Variants in RUNX2 observed in about 807,000 individuals in gnomAD.
RUNX2 encodes the protein runt-related transcription factor 2.
In RUNX2, 10 loss-of-function variants were observed where a neutral mutation model predicts 51.7. The observed-to-expected ratio is 0.19, with a 90% confidence interval of 0.12 to 0.33. The LOEUF (loss-of-function observed/expected upper bound fraction) is 0.33. Ranked by LOEUF, RUNX2 falls within the 10% of genes least tolerant of loss-of-function variation. The pLI is 1.00. For missense variants in RUNX2, 562 were observed against 691.3 expected (o/e 0.81, Z 2.10); for synonymous variants, 276 against 273.6 (o/e 1.01, Z -0.09).
intron 5 of RUNX2, among the ~76,000 whole-genome samples, chr6:45,488,018 A>G (rs1023993630): frequency 6.6e-6 from 1 of 152,132 alleles, no homozygotes; most frequent in African/African-American, 2.4e-5. Flanking sequence ...AGTGGGCCCT[A>G]CAAGGAATCA....
Position 45,422,956 on chromosome 6 carries a change from A to T in RUNX2, c.422A>T (p.Lys141Met). The change falls in exon 3 of 9, where the codon AAG (lysine) becomes ATG (methionine). Residue 141 changes from lysine to methionine, a missense_variant and splice_region_variant. By Grantham distance (95) the Lys-to-Met change is moderately conservative. This residue lies in a region of RUNX2 where 67 missense variants were observed against 106.5 expected (regional missense o/e 0.63). Transcript: ENST00000647337. ...AACAAGACCCTGCCCGTGGCCTTCA[A>T]GGTAAGAGGCTACACCGCCCCCCGC... ...RCNKTLPVAF[K>M]VVALGEVPDG... 6.2e-7 allele frequency: 1 copy of T among 1,609,916 alleles called. No homozygotes were observed. The highest frequency in any genetic ancestry group is 1.1e-5 in the South Asian group (1 of 90,984).
At chr6:45,354,518 C>T (rs145041498) in intron 2 of RUNX2, among the ~76,000 whole-genome samples, 9 of 151,414 alleles carry the variant, frequency 5.9e-5, no homozygotes, top group African/African-American at 7.3e-5. Context: ...CTTCTACTGC[C>T]GCTGCTAACT....
At chr6:45,376,582 A>T (rs1796807166) in intron 2 of RUNX2, among the ~76,000 whole-genome samples, 1 of 152,220 alleles carries the variant, frequency 6.6e-6, no homozygotes, top group Non-Finnish European at 1.5e-5. Context: ...GCTAGTGAAA[A>T]GTGCAGCCCT....
At chr6:45,470,764 C>T (rs190311421) in intron 5 of RUNX2, among the ~76,000 whole-genome samples, 2 of 152,316 alleles carry the variant, frequency 1.3e-5, no homozygotes, top group Admixed American at 1.3e-4. Flanking sequence ...CACTAACAGG[C>T]CTGTTTCCCC....
intron 2 of RUNX2, chr6:45,422,004 G>T (rs1467892971): frequency 6.7e-6 from 1 of 150,076 alleles, no homozygotes; most frequent in Non-Finnish European, 1.5e-5. Flanking sequence ...GAATCTGAGC[G>T]TGCAGCCCGC....
At chr6:45,473,608 T>C (rs1799870040) in intron 5 of RUNX2, among the ~76,000 whole-genome samples, 1 of 152,188 alleles carries the variant, frequency 6.6e-6, no homozygotes, top group Admixed American at 6.5e-5. Context: ...GCTTAATGTC[T>C]CTTTGAAGGT....
intron 3 of RUNX2, among the ~76,000 whole-genome samples, chr6:45,428,126 G>A (rs1475638698): frequency 6.6e-6 from 1 of 152,132 alleles, no homozygotes; most frequent in East Asian, 1.9e-4. Flanking sequence ...GGGTAGGATG[G>A]AAGCAAATTC....
chr6:45,516,263 A>G (rs1398981421), intron 7 of RUNX2, among the ~76,000 whole-genome samples: 1 of 152,228 alleles, frequency 6.6e-6, no homozygotes, highest in African/African-American at 2.4e-5. Context: ...GAGGTACAAT[A>G]CAATGATTCA....
chr6:45,537,412 G>A (rs1170448211), intron 7 of RUNX2, among the ~76,000 whole-genome samples: 3 of 152,168 alleles, frequency 2.0e-5, no homozygotes, highest in Non-Finnish European at 4.4e-5. Context: ...CCAGGTCTTG[G>A]GCTACCATGT....
At chr6:45,430,022 A>C (rs1284788501) in intron 3 of RUNX2, among the ~76,000 whole-genome samples, 2 of 151,600 alleles carry the variant, frequency 1.3e-5, no homozygotes, top group African/African-American at 2.4e-5. Context: ...TGAACCTGGG[A>C]GGTGGAGGTT....
At chr6:45,540,820 T>C (rs1237981975) in intron 7 of RUNX2, among the ~76,000 whole-genome samples, 1 of 151,584 alleles carries the variant, frequency 6.6e-6, no homozygotes, top group Non-Finnish European at 1.5e-5. Context: ...AGATACTGGC[T>C]GGGAGGCAGG....
At chr6:45,462,894 G>T (rs1354843979) in intron 5 of RUNX2, among the ~76,000 whole-genome samples, 1 of 152,186 alleles carries the variant, frequency 6.6e-6, no homozygotes, top group East Asian at 1.9e-4. Context: ...GTGTAGTATT[G>T]TCCCTCTGTG....
chr6:45,444,982 G>C (rs1303405303), intron 5 of RUNX2, among the ~76,000 whole-genome samples: 1 of 152,110 alleles, frequency 6.6e-6, no homozygotes, highest in East Asian at 1.9e-4. Flanking sequence ...TATGCCAAAG[G>C]CTAGCCCATG....
intron 2 of RUNX2, among the ~76,000 whole-genome samples, chr6:45,346,122 T>C (rs371642833): frequency 4.6e-5 from 7 of 152,296 alleles, no homozygotes; most frequent in South Asian, 2.1e-4. Context: ...ATTCCTATAG[T>C]AGCATATCTG....
intron 5 of RUNX2, among the ~76,000 whole-genome samples, chr6:45,453,447 A>G (rs542205472): frequency 2.0e-5 from 3 of 152,358 alleles, no homozygotes; most frequent in Non-Finnish European, 4.4e-5. Context: ...AACTGAGGAT[A>G]TACTAGGTTA....
chr6:45,498,022 T>G (rs904686399), intron 6 of RUNX2, among the ~76,000 whole-genome samples: 9 of 152,118 alleles, frequency 5.9e-5, no homozygotes, highest in African/African-American at 2.2e-4. Context: ...TAGGAGGCAT[T>G]CTTATGGAAA....
chr6:45,393,742 T>C (rs965833844), intron 2 of RUNX2, among the ~76,000 whole-genome samples: 8 of 151,582 alleles, frequency 5.3e-5, no homozygotes, highest in African/African-American at 1.9e-4. Flanking sequence ...AAAGGAAGAT[T>C]TATAAAGAAA....
At chr6:45,508,284 A>C (rs921395008) in intron 6 of RUNX2, among the ~76,000 whole-genome samples, 1 of 132,914 alleles carries the variant, frequency 7.5e-6, no homozygotes, top group East Asian at 2.3e-4. Context: ...GCTGGAGTGC[A>C]ATGGCGTGAT....
chr6:45,372,128 G>GTGTATGTCACAGTGAACTGTGTTGT, intron 2 of RUNX2: 1 of 582,338 alleles, frequency 1.7e-6, no homozygotes, highest in Non-Finnish European at 2.2e-6. Flanking sequence ...AAACCACAAT[G>GTGTATGTCACAGTGAACTGTGTTGT]GAAGCAGTAA....
Sources: allele counts gnomAD v4.1 joint callset (sites outside exome capture counted in the v4.1 genomes callset), GRCh38; gene constraint gnomAD v4.1.1; regional missense constraint gnomAD v4.1.1; transcripts MANE v1.5; gene names NCBI Gene and HGNC (gene_info 2026-07-23, HGNC 2026-07-21).